The following C1QTNF3 variants were observed in gnomAD, a reference collection of about 807,000 sequenced individuals.
The protein encoded by C1QTNF3 is C1q and TNF related 3, also known as complement C1q tumor necrosis factor-related protein 3.
Under a neutral mutation model 32.6 loss-of-function variants are expected in C1QTNF3, and 26 were observed. The ratio of observed to expected loss-of-function variants is 0.80; its 90% CI spans 0.58 to 1.11. C1QTNF3 has a LOEUF of 1.11. C1QTNF3 is among the 50% of genes least tolerant of loss of function. The probability of loss-of-function intolerance (pLI) is 0.00; values close to 1 mark genes in which losing one functional copy is unlikely to be tolerated. For synonymous variants in C1QTNF3, 155 were observed against 146.0 expected (o/e 1.06, Z -0.44); for missense variants, 362 against 398.2 (o/e 0.91, Z 0.77).
chr5:34,209,959 AT>A, the C1QTNF3 span, among the ~76,000 whole-genome samples: 3 of 152,122 alleles, frequency 2.0e-5, no homozygotes, highest in African/African-American at 7.2e-5. Flanking sequence ...TCTAAAGGAC[AT>A]CTGCCAGAGC....
chr5:34,064,717 T>C, the C1QTNF3 span, among the ~76,000 whole-genome samples: 1 of 152,090 alleles, frequency 6.6e-6, no homozygotes, highest in African/African-American at 2.4e-5. Flanking sequence ...CAGCTCAAAC[T>C]GTAACAAACA....
the C1QTNF3 span, among the ~76,000 whole-genome samples, chr5:34,116,955 T>A: frequency 4.8e-4 from 73 of 152,272 alleles, no homozygotes; most frequent in African/African-American, 1.8e-3. Flanking sequence ...GCACAGTATA[T>A]CCTTTCATCC....
chr5:34,201,128 C>A, the C1QTNF3 span, among the ~76,000 whole-genome samples: 7 of 151,880 alleles, frequency 4.6e-5, no homozygotes, highest in African/African-American at 1.7e-4. Context: ...TACCACAGTA[C>A]CTGCTACATA....
the C1QTNF3 span, among the ~76,000 whole-genome samples, chr5:34,109,422 C>G: frequency 2.0e-5 from 3 of 152,190 alleles, no homozygotes; most frequent in East Asian, 5.8e-4. Flanking sequence ...GAACCAGACT[C>G]TGCTATATGG....
At chr5:34,231,508 A>G in the C1QTNF3 span, among the ~76,000 whole-genome samples, 1 of 152,342 alleles carries the variant, frequency 6.6e-6, no homozygotes, top group South Asian at 2.1e-4. Context: ...CTGTTTGGTT[A>G]GTATGTCTCT....
chr5:34,111,038 G>T, the C1QTNF3 span, among the ~76,000 whole-genome samples: 3 of 152,106 alleles, frequency 2.0e-5, no homozygotes, highest in Non-Finnish European at 4.4e-5. Flanking sequence ...TATTCTTACG[G>T]TCTCACTTCT....
At chr5:34,054,249 C>T in the C1QTNF3 span, among the ~76,000 whole-genome samples, 1 of 152,204 alleles carries the variant, frequency 6.6e-6, no homozygotes, top group African/African-American at 2.4e-5. Context: ...TGAAAAAGAG[C>T]AGACCTCTTG....
chr5:34,035,860 A>G (rs1754724685), intron 1 of C1QTNF3, 102 bp from the exon 2 acceptor site: 3 of 807,382 alleles, frequency 3.7e-6, no homozygotes, highest in East Asian at 5.3e-5. Context: ...CTTAATTCCA[A>G]TCGAATCACA....
chr5:34,045,696 A>G (rs73080904), upstream of C1QTNF3, among the ~76,000 whole-genome samples: 2,244 of 152,092 alleles, frequency 0.015, 64 homozygotes, highest in African/African-American at 0.051. Context: ...CTATAGAGAA[A>G]GATCTACAGA....
At chr5:34,043,847 ACTAAGTCACTT>A (rs1332938238), upstream of C1QTNF3, 1 of 152,188 alleles carries the variant, frequency 6.6e-6, no homozygotes, top group Non-Finnish European at 1.5e-5. Context: ...ATCAAAGTTA[ACTAAGTCACTT>A]ATTGTCAGAT....
chr5:34,021,514 T>C lies in C1QTNF3; in HGVS notation c.801-772A>G, dbSNP rs1005117466. On this transcript the variant is annotated intron_variant, in intron 5 of 5. Coordinates refer to ENST00000382065, the MANE Select transcript of C1QTNF3 (RefSeq NM_181435.6). The stretch of plus-strand genomic sequence containing the variant: ...CTAACAAGGTTAAAAAAGCCAGGTG[T>C]CTTTATATCTGGAAGAGCAGTGATA... Among the ~76,000 whole-genome samples, 5 of 152,226 alleles carry C rather than the reference T, an allele frequency of 3.3e-5. No homozygotes were observed. The South Asian group carries it at 1.0e-3, about 32-fold the overall frequency.
chr5:34,109,506 A>G, the C1QTNF3 span, among the ~76,000 whole-genome samples: 101,086 of 150,948 alleles, frequency 0.67, 34,366 homozygotes, highest in African/African-American at 0.76. Flanking sequence ...TCATAATTAC[A>G]AGGCATTGGG....
the C1QTNF3 span, among the ~76,000 whole-genome samples, chr5:34,121,946 A>G: frequency 6.6e-6 from 1 of 152,194 alleles, no homozygotes; most frequent in African/African-American, 2.4e-5. Flanking sequence ...AAGTAGGCTG[A>G]CCCTCACCAG....
chr5:34,077,806 A>T, the C1QTNF3 span, among the ~76,000 whole-genome samples: 2 of 151,502 alleles, frequency 1.3e-5, no homozygotes, highest in Non-Finnish European at 2.9e-5. Context: ...GGAGCTGATA[A>T]TAGCTAAGCA....
At chr5:34,133,456 T>C in the C1QTNF3 span, among the ~76,000 whole-genome samples, 2 of 152,166 alleles carry the variant, frequency 1.3e-5, no homozygotes, top group Non-Finnish European at 2.9e-5. Context: ...CTTTGAAAGG[T>C]TACTTTAGAG....
At chr5:34,176,993 G>T in the C1QTNF3 span, among the ~76,000 whole-genome samples, 1 of 152,190 alleles carries the variant, frequency 6.6e-6, no homozygotes, top group African/African-American at 2.4e-5. Context: ...AAGAGTTCAA[G>T]ATCAGCCTAG....
the C1QTNF3 span, among the ~76,000 whole-genome samples, chr5:34,160,060 T>C: frequency 6.6e-6 from 1 of 152,164 alleles, no homozygotes; most frequent in South Asian, 2.1e-4. Context: ...AATGCAGATA[T>C]AGGGTATAGA....
At chr5:34,024,124 G>C (rs1340258623) in intron 4 of C1QTNF3, 116 bp from the exon 5 acceptor site, 1 of 738,708 alleles carries the variant, frequency 1.4e-6, no homozygotes, top group Non-Finnish European at 2.3e-6. Flanking sequence ...ATTCTTTGTA[G>C]TATGGTGTCT....
At chr5:34,025,182 G>C (rs560556297) in intron 4 of C1QTNF3, among the ~76,000 whole-genome samples, 4 of 152,172 alleles carry the variant, frequency 2.6e-5, no homozygotes, top group Non-Finnish European at 5.9e-5. Flanking sequence ...CAGAGGAAAA[G>C]TAAAGGCAGA....
Sources: gnomAD v4.1 joint callset for allele counts (sites outside exome capture counted in the v4.1 genomes callset) on GRCh38, gnomAD v4.1.1 for gene constraint, MANE v1.5 for transcripts, NCBI Gene and HGNC (gene_info 2026-07-23, HGNC 2026-07-21) for gene names.